The following ANAPC5 variants were observed in gnomAD, a reference collection of about 807,000 sequenced individuals.
ANAPC5 encodes the protein anaphase promoting complex subunit 5.
Under a neutral mutation model 91.3 loss-of-function variants are expected in ANAPC5, and 60 were observed. That is an observed-to-expected ratio of 0.66 (90% CI 0.53 to 0.81). ANAPC5 has a LOEUF of 0.81. Ranked by LOEUF, ANAPC5 falls within the 40% of genes least tolerant of loss-of-function variation. The pLI, the probability that ANAPC5 is intolerant of heterozygous loss-of-function variation, is 0.00. For missense variants in ANAPC5, 690 were observed against 931.5 expected, an observed-to-expected ratio of 0.74 and a Z score of 3.37; for synonymous variants, 340 against 364.1, an observed-to-expected ratio of 0.93 and a Z score of 0.75.
In ANAPC5 at chr12:121,335,709, G is replaced by A; in HGVS notation, c.774C>T (p.Tyr258=). The change falls in exon 7 of 17, where the codon TAC becomes TAT. Residue 258 remains tyrosine, a synonymous_variant. Transcript: ENST00000261819. ...CATCTTGGACACGGAGGTTGTTTAA[G>A]TAGCTGAGATAATGCTAAAACAAGA... is the stretch of plus-strand genomic sequence containing the variant. The part of the protein sequence containing the change: ...PDFAEAHYLS[Y]LNNLRVQDVF... 1 of 1,605,032 alleles carries A rather than the reference G, an allele frequency of 6.2e-7. No homozygotes were observed. Among genetic ancestry groups the A allele is most frequent in the Non-Finnish European group, 8.5e-7 (1 of 1,172,508 alleles).
rs1363391435 is a variant in ANAPC5, at chr12:121,342,970, C to A, written c.591-901G>T. Among the ~76,000 whole-genome samples the A allele has an allele frequency of 6.6e-6, 1 of 152,128 alleles. No individual in the cohort carries two copies. Among genetic ancestry groups the A allele is most frequent in the African/African-American group, 2.4e-5 (1 of 41,430 alleles). ...AAAAGGTTCTCTAACAAAGTAATTT[C>A]TTTTAGACAAAGAATTATAATCATT... On this transcript the variant is annotated intron_variant, in intron 4 of 16. Transcript: ENST00000261819. This position sits in a 1 kb window ranked among gnomAD's most constrained non-coding sequence, Gnocchi z 4.1.
chr12:121,353,942 A>G (rs1903995140), upstream of ANAPC5, among the ~76,000 whole-genome samples: 1 of 150,402 alleles, frequency 6.6e-6, no homozygotes, highest in Non-Finnish European at 1.5e-5. Context: ...CCTCAGCCTC[A>G]CGAGTAGTTG....
chr12:121,308,509 G>T lies in ANAPC5; in HGVS notation c.2239C>A (p.His747Asn). 6.2e-7 allele frequency: 1 copy of T among 1,614,100 alleles called. No individual in the cohort carries two copies. The change falls in exon 17 of 17, where the codon CAT becomes AAT. Residue 747 changes from histidine to asparagine, a missense_variant. Coordinates refer to ENST00000261819, the MANE Select transcript of ANAPC5 (RefSeq NM_016237.5). ...AGATGGTTTATCAAGGGTACCCCAT[G>T]AGAGGGCAGCTCCTGATGCAGCTGC... is the stretch of plus-strand genomic sequence containing the variant. ...FRQLHQELPS[H>N]GVPLINHL
At position 121,342,060 on chromosome 12, in the gene ANAPC5, C is replaced by T; in HGVS notation, c.600G>A (p.Glu200=). The T allele has an allele frequency of 6.3e-7, 1 of 1,599,844 alleles. No individual in the cohort carries two copies. The highest frequency in any genetic ancestry group is 1.3e-5 in the African/African-American group (1 of 74,144). Residue 200 remains glutamate (E), a synonymous_variant, in exon 5 of 17, where the codon GAG becomes GAA. Transcript: ENST00000261819. The surrounding 1 kb of genome is among the most constrained non-coding windows in gnomAD (Gnocchi z 4.1). ...EELDVSVREE[E]VSCSGPLSQK... ...GGGACAGAGGCCCACTGCAAGATAC[C>T]TCCTCTTCTCTGGAAAAAATAAAAA... is the stretch of plus-strand genomic sequence containing the variant.
At chr12:121,344,298 G>A (rs891965690) in intron 4 of ANAPC5, among the ~76,000 whole-genome samples, 13 of 152,212 alleles carry the variant, frequency 8.5e-5, no homozygotes, top group African/African-American at 2.9e-4. Context: ...AGTATTTGGG[G>A]CCGAGTGCGG....
intron 7 of ANAPC5, 116 bp from the exon 8 acceptor site, chr12:121,331,544 G>T (rs1245401326): frequency 1.3e-6 from 1 of 783,370 alleles, no homozygotes. Context: ...GTTGGAAGCT[G>T]TAACTATTTC....
chr12:121,331,235 T>C, intron 8 of ANAPC5, 112 bp downstream of exon 8: 1 of 839,992 alleles, frequency 1.2e-6, no homozygotes, highest in Non-Finnish European at 1.8e-6. Flanking sequence ...ACTTGTTTCC[T>C]TTTGCTGCTG....
rs11836319 is a variant in ANAPC5 at position 121,335,413 on chromosome 12, G to A, written c.950+120C>T. 2,029 of 1,131,466 alleles carry A rather than the reference G, an allele frequency of 1.8e-3. 20 individuals are homozygous for A. In the African/African-American group the frequency reaches 0.026, roughly 15 times the overall value. 70.1% of individuals were successfully genotyped at this position (1,131,466 alleles called of 1,614,324 possible). A position where few individuals can be genotyped will look rare whatever the true frequency, so the allele number is the denominator to read the frequency against. Reference sequence around the variant, plus strand: ...ACTCCTGACCTCACGTGATCCACCCGCCTTGGCCTCCCAAAGTGCTGGGAC... The same window carrying A: ...ACTCCTGACCTCACGTGATCCACCCACCTTGGCCTCCCAAAGTGCTGGGAC... On this transcript the variant is annotated intron_variant, in intron 7 of 16. Coordinates refer to ENST00000261819, the MANE Select transcript of ANAPC5 (RefSeq NM_016237.5).
At chr12:121,330,533 C>A in intron 9 of ANAPC5, 50 bp downstream of exon 9, 1 of 1,519,174 alleles carries the variant, frequency 6.6e-7, no homozygotes, top group Non-Finnish European at 9.1e-7. Flanking sequence ...GAAAAAGAGA[C>A]AAAGGCTCGA....
Position 121,319,784 on chromosome 12 carries a change from T to G in ANAPC5, c.1550A>C (p.Asp517Ala). The G allele has an allele frequency of 6.2e-7, 1 of 1,611,246 alleles. No individual in the cohort carries two copies. Among genetic ancestry groups the G allele is most frequent in the South Asian group, 1.1e-5 (1 of 90,304 alleles). ...ATATTTGCCATCATTCATTGCTCTG[T>G]CAAACTGTATTTTTTGATCACATAG... ...WMLCDQKIQF[D>A]RAMNDGKYHL... The change falls in exon 13 of 17, where the codon GAC (aspartate) becomes GCC (alanine). Residue 517 changes from aspartate (D) to alanine (A), a missense_variant. By Grantham distance (126) the Asp-to-Ala change is moderately radical (BLOSUM62 -2). This residue lies in a region of ANAPC5 where 317 missense variants were observed against 438.7 expected (regional missense o/e 0.72). Coordinates refer to ENST00000261819, the MANE Select transcript of ANAPC5 (RefSeq NM_016237.5).
rs758219880 is a variant in ANAPC5, at chr12:121,315,146, T to C, written c.1893+3131A>G. On this transcript the variant is annotated intron_variant, in intron 15 of 16. Transcript: ENST00000261819. ...AAAGTTGCAGGATATAAGATCAATA[T>C]AAACTAGCAACCCAAAAATAAATGT... 6.4e-4 allele frequency among the ~76,000 whole-genome samples: 98 copies of C among 152,040 alleles called. 1 individual carries two copies. Among genetic ancestry groups the C allele is most frequent in the Admixed American group, 2.0e-3 (31 of 15,252 alleles).
chr12:121,328,648 T>G, intron 9 of ANAPC5, 151 bp from the exon 10 acceptor site: 1 of 662,280 alleles, frequency 1.5e-6, no homozygotes, highest in South Asian at 2.2e-5. Context: ...GCCTTAACCC[T>G]GAGCCATACG....
chr12:121,320,388 G>C lies in ANAPC5; in HGVS notation c.1512C>G (p.Ala504=). 6.2e-7 allele frequency: 1 copy of C among 1,613,152 alleles called. No individual in the cohort carries two copies. The highest frequency in any genetic ancestry group is 8.5e-7 in the Non-Finnish European group (1 of 1,179,348). Residue 504 remains alanine, a synonymous_variant, in exon 12 of 17, where the codon GCC becomes GCG. Transcript: ENST00000261819. ...TGCCATGCAAAAGGCAGATTACCTGGGCGTGCTGACTATTAGGCGGAAATC... is the reference window on the plus strand; with the variant it reads ...TGCCATGCAAAAGGCAGATTACCTGCGCGTGCTGACTATTAGGCGGAAATC... ...KERFPPNSQH[A]QLWMLCDQKI... is the part of the protein sequence containing the mutation.
intron 15 of ANAPC5, among the ~76,000 whole-genome samples, chr12:121,313,153 C>G (rs150107628): frequency 2.0e-5 from 3 of 151,962 alleles, no homozygotes; most frequent in Admixed American, 1.3e-4. Context: ...TGGCGAAACC[C>G]CGTCTCTATT....
chr12:121,310,699 G>A (rs896933959), intron 15 of ANAPC5, among the ~76,000 whole-genome samples: 3 of 151,950 alleles, frequency 2.0e-5, no homozygotes, highest in Non-Finnish European at 2.9e-5. Context: ...TTTGGGAGGT[G>A]CAGGCGGGCA....
At chr12:121,316,343 T>C (rs998738575) in intron 15 of ANAPC5, among the ~76,000 whole-genome samples, 2 of 152,064 alleles carry the variant, frequency 1.3e-5, no homozygotes, top group African/African-American at 2.4e-5. Flanking sequence ...ACATTGCAGG[T>C]TGAAACAAAA....
chr12:121,308,345 A>C lies in ANAPC5; in HGVS notation c.*135T>G, dbSNP rs1169219833. The C allele has an allele frequency of 5.5e-6, 4 of 729,066 alleles. No individual in the cohort carries two copies. The highest frequency in any genetic ancestry group is 8.9e-6 in the Non-Finnish European group (4 of 450,010). 45.2% of individuals were successfully genotyped at this position (729,066 alleles called of 1,614,324 possible). On this transcript the variant is annotated 3_prime_UTR_variant, in exon 17 of 17. Coordinates refer to ENST00000261819, the MANE Select transcript of ANAPC5 (RefSeq NM_016237.5). ...ACAAATACGTAGTTACTAGCAACAA[A>C]ATAAGACAAACTAATCAGAATGCTG...
chr12:121,309,792 C>T lies in ANAPC5; in HGVS notation c.1965G>A (p.Gly655=), dbSNP rs1325156490. ...TGGCACGACCTTTGTCCAGGATAGCCCCGTCAGCCAAGATGGGCTCGATGG... is the reference window on the plus strand; with the variant it reads ...TGGCACGACCTTTGTCCAGGATAGCTCCGTCAGCCAAGATGGGCTCGATGG... ...HMAIEPILAD[G]AILDKGRAMF... Residue 655 remains glycine, a synonymous_variant, in exon 16 of 17, where the codon GGG becomes GGA. Transcript: ENST00000261819. The T allele has an allele frequency of 3.1e-6, 5 of 1,614,156 alleles. No individual in the cohort carries two copies. Among genetic ancestry groups the T allele is most frequent in the Non-Finnish European group, 4.2e-6 (5 of 1,180,024 alleles).
intron 15 of ANAPC5, among the ~76,000 whole-genome samples, chr12:121,314,875 C>T (rs936066171): frequency 6.6e-6 from 1 of 152,016 alleles, no homozygotes; most frequent in South Asian, 2.1e-4. Context: ...AAGTAATCTG[C>T]CTTGGCCTCA....
Sources: gnomAD v4.1 joint callset for allele counts (sites outside exome capture counted in the v4.1 genomes callset) on GRCh38, gnomAD v4.1.1 for gene constraint, gnomAD v4.1.1 regional missense constraint, Gnocchi (gnomAD v3.1) non-coding constraint, MANE v1.5 for transcripts, NCBI Gene and HGNC (gene_info 2026-07-23, HGNC 2026-07-21) for gene names.